Variants in ABCB1 observed in about 807,000 individuals in gnomAD.
The protein encoded by ABCB1 is ATP-dependent translocase ABCB1.
A neutral mutation model predicts 142.0 loss-of-function variants in ABCB1; 69 were observed. The ratio of observed to expected loss-of-function variants is 0.49; its 90% CI spans 0.40 to 0.59. The LOEUF (loss-of-function observed/expected upper bound fraction) is 0.59. Among genes scored for constraint, ABCB1 ranks in the 20% least tolerant of loss-of-function variants. ABCB1 has a pLI of 0.00. For missense variants in ABCB1, 1,326 were observed against 1,554.7 expected, an observed-to-expected ratio of 0.85 and a Z score of 2.47; for synonymous variants, 532 against 539.2, an observed-to-expected ratio of 0.99 and a Z score of 0.18.
intron 1 of ABCB1, among the ~76,000 whole-genome samples, chr7:87,621,089 T>C (rs947337494): frequency 2.0e-5 from 3 of 152,174 alleles, no homozygotes; most frequent in Non-Finnish European, 4.4e-5. Context: ...TTACCTAATC[T>C]ATAAATATCA....
In ABCB1 at chr7:87,521,322, G is replaced by A. The variant is rs959104498; in HGVS notation, c.2686-446C>T. On this transcript the variant is annotated intron_variant, in intron 21 of 27. Transcript: ENST00000622132. The stretch of plus-strand genomic sequence containing the variant: ...ACAATTGAAGAATGTTTGGAAAATA[G>A]TGAAAGAATGCAGGCAATAAAAAGT... The A allele has an allele frequency of 2.2e-5, 9 of 405,044 alleles. No homozygotes were observed. In the Middle Eastern group the frequency reaches 2.9e-3, roughly 130 times the overall value. 25.1% of individuals were successfully genotyped at this position (405,044 alleles called of 1,614,324 possible). A position where few individuals can be genotyped will look rare whatever the true frequency, so the allele number is the denominator to read the frequency against.
At chr7:87,647,385 C>G (rs1270332127) in intron 1 of ABCB1, among the ~76,000 whole-genome samples, 1 of 152,144 alleles carries the variant, frequency 6.6e-6, no homozygotes, top group African/African-American at 2.4e-5. Context: ...CCAGAAGCTA[C>G]ATAATGTGTG....
At chr7:87,632,102 T>C (rs998584434) in intron 1 of ABCB1, among the ~76,000 whole-genome samples, 4 of 151,858 alleles carry the variant, frequency 2.6e-5, no homozygotes, top group Admixed American at 2.6e-4. Flanking sequence ...AATTGAACCA[T>C]TTACAAAACC....
At chr7:87,670,382 T>C (rs2130513612) in intron 1 of ABCB1, among the ~76,000 whole-genome samples, 1 of 152,342 alleles carries the variant, frequency 6.6e-6, no homozygotes, top group Non-Finnish European at 1.5e-5. Context: ...ATCACTTTAT[T>C]GTGATTCTCA....
At chr7:87,620,306 C>T (rs536826449) in intron 1 of ABCB1, among the ~76,000 whole-genome samples, 7 of 151,986 alleles carry the variant, frequency 4.6e-5, no homozygotes, top group Admixed American at 2.0e-4. Flanking sequence ...ACTACAGGCG[C>T]GTGCCACCAC....
chr7:87,522,331 C>A, intron 21 of ABCB1: 1 of 745,500 alleles, frequency 1.3e-6, no homozygotes, highest in East Asian at 2.5e-5. Flanking sequence ...CTGGTACAGG[C>A]CAGTACTTTG....
chr7:87,708,492 A>G, intron 1 of ABCB1, among the ~76,000 whole-genome samples: 1 of 152,306 alleles, frequency 6.6e-6, no homozygotes, highest in Non-Finnish European at 1.5e-5. Context: ...AAAGAAATGT[A>G]ATCTATAGTT....
chr7:87,572,165 T>C (rs1312632233), intron 4 of ABCB1, among the ~76,000 whole-genome samples: 1 of 142,518 alleles, frequency 7.0e-6, no homozygotes, highest in African/African-American at 2.8e-5. Context: ...GCTTACATTA[T>C]GTATCTTCTG....
chr7:87,603,766 C>T (rs921819504), upstream of ABCB1, among the ~76,000 whole-genome samples: 3 of 152,180 alleles, frequency 2.0e-5, no homozygotes, highest in African/African-American at 7.2e-5. Context: ...GGCAGAAAAA[C>T]TTAGATAAGG....
intron 3 of ABCB1, among the ~76,000 whole-genome samples, chr7:87,587,874 CAAAA>C (rs35238388): frequency 1.2e-5 from 1 of 82,068 alleles, no homozygotes; most frequent in Non-Finnish European, 2.3e-5. Context: ...GACTCTGTCT[CAAAA>C]AAAAAAAAAA....
intron 1 of ABCB1, among the ~76,000 whole-genome samples, chr7:87,615,343 T>G (rs1819999681): frequency 6.6e-6 from 1 of 152,128 alleles, no homozygotes; most frequent in Non-Finnish European, 1.5e-5. Flanking sequence ...GAGGCCAGTG[T>G]GGCTGGAGTG....
chr7:87,606,945 C>T (rs1024079335), intron 1 of ABCB1, among the ~76,000 whole-genome samples: 1 of 151,894 alleles, frequency 6.6e-6, no homozygotes, highest in African/African-American at 2.4e-5. Flanking sequence ...TGAATGAAGG[C>T]CAAAATTAAC....
intron 1 of ABCB1, among the ~76,000 whole-genome samples, chr7:87,612,628 T>C (rs531983710): frequency 6.6e-6 from 1 of 152,300 alleles, no homozygotes; most frequent in African/African-American, 2.4e-5. Context: ...ATATATCTAC[T>C]TTTATACCAG....
chr7:87,561,211 T>C (rs1235811417), intron 8 of ABCB1, 52 bp downstream of exon 8: 2 of 1,605,324 alleles, frequency 1.2e-6, no homozygotes, highest in Non-Finnish European at 1.7e-6. Context: ...CTGAAGGGCA[T>C]TTGAGAAGAC....
At chr7:87,632,526 A>T (rs1013771227) in intron 1 of ABCB1, among the ~76,000 whole-genome samples, 2 of 152,184 alleles carry the variant, frequency 1.3e-5, no homozygotes, top group Admixed American at 1.3e-4. Flanking sequence ...TGAGGACTCT[A>T]AATCTTACAC....
At chr7:87,629,402 C>T (rs1820973596) in intron 1 of ABCB1, 1 of 153,600 alleles carries the variant, frequency 6.5e-6, no homozygotes, top group Non-Finnish European at 1.4e-5. Context: ...TTTCATTTCA[C>T]ACGTTAGTTG....
intron 9 of ABCB1, among the ~76,000 whole-genome samples, chr7:87,553,355 G>A (rs1017071534): frequency 3.5e-5 from 4 of 115,730 alleles, no homozygotes; most frequent in Non-Finnish European, 6.6e-5. Context: ...CAGTCTTGCT[G>A]TGTCACCCAG....
In ABCB1 at chr7:87,553,878, T is replaced by A; in HGVS notation, c.882A>T (p.Thr294=). The A allele has an allele frequency of 6.2e-7, 1 of 1,614,136 alleles. No individual in the cohort carries two copies. The highest frequency in any genetic ancestry group is 8.5e-7 in the Non-Finnish European group (1 of 1,179,980). Residue 294 remains threonine, a synonymous_variant, in exon 9 of 28, where the codon ACA becomes ACT. Coordinates refer to ENST00000622132, the MANE Select transcript of ABCB1 (RefSeq NM_001348946.2). The part of the protein sequence containing the change: ...AKRIGIKKAI[T]ANISIGAAFL... ...AAGCAGCACCTATAGAAATATTGGC[T>A]GTAATAGCTTTCTTTATCCCAATTC...
At chr7:87,641,920 T>C (rs1822497352) in intron 1 of ABCB1, among the ~76,000 whole-genome samples, 1 of 152,130 alleles carries the variant, frequency 6.6e-6, no homozygotes, top group Non-Finnish European at 1.5e-5. Flanking sequence ...CTGTTATATT[T>C]CAGGTCTAAT....
Sources: allele counts gnomAD v4.1 joint callset (sites outside exome capture counted in the v4.1 genomes callset), GRCh38; gene constraint gnomAD v4.1.1; transcripts MANE v1.5; gene names NCBI Gene and HGNC (gene_info 2026-07-23, HGNC 2026-07-21).